VAPA: variants seen among roughly 807,000 people sequenced by gnomAD.
VAPA encodes the protein VAMP associated protein A, also known as vesicle-associated membrane protein-associated protein A.
A neutral mutation model predicts 25.6 loss-of-function variants in VAPA; 6 were observed. The observed-to-expected ratio is 0.23, with a 90% CI of 0.13 to 0.46. The LOEUF (loss-of-function observed/expected upper bound fraction) is 0.46. Among genes scored for constraint, VAPA ranks in the 20% least tolerant of loss-of-function variants. The pLI is 0.99. For synonymous variants in VAPA, 112 were observed against 106.2 expected, an observed-to-expected ratio of 1.05 and a Z score of -0.34; for missense variants, 244 against 302.1, an observed-to-expected ratio of 0.81 and a Z score of 1.43.
chr18:9,914,270 CAG>C lies in VAPA; in HGVS notation c.15_16del (p.Ala7HisfsTer31). 6.3e-7 allele frequency: 1 copy of C among 1,585,702 alleles called. No individual in the cohort carries two copies. The highest frequency in any genetic ancestry group is 8.6e-7 in the Non-Finnish European group (1 of 1,167,586). On this transcript the variant is annotated frameshift_variant, in exon 1 of 6. Coordinates refer to ENST00000400000, the MANE Select transcript of VAPA (RefSeq NM_194434.3). LOFTEE classifies it high-confidence loss of function. ...GCTGTCTCTCCGATGGCGTCCGCCT[CAG>C]GGGCCATGGCGAAGCACGAGCAGAT...
intron 5 of VAPA, among the ~76,000 whole-genome samples, chr18:9,951,662 CTTTG>C (rs903512209): frequency 3.5e-4 from 54 of 152,192 alleles, no homozygotes; most frequent in Non-Finnish European, 1.3e-4. Context: ...GCTCTCTAGG[CTTTG>C]TTTGAAGCTC....
rs1287526369 is a variant in VAPA at position 9,955,237 on chromosome 18, A to G, written c.*1026A>G. On this transcript the variant is annotated 3_prime_UTR_variant, in exon 6 of 6. Transcript: ENST00000400000. The stretch of plus-strand genomic sequence containing the variant: ...TTACTACTTTTCATAATATTTCATA[A>G]TAGTTAAAAGTAGGTGTTTTTTTCG... 2 of 152,206 alleles carry G rather than the reference A, an allele frequency of 1.3e-5. No homozygotes were observed. Among genetic ancestry groups the G allele is most frequent in the Non-Finnish European group, 2.9e-5 (2 of 68,026 alleles). The allele number at this position is 152,206 out of a possible 1,614,324, so 9.4% of individuals were successfully genotyped here.
intron 4 of VAPA, chr18:9,950,147 C>T (rs29114): frequency 0.04 from 14,979 of 377,096 alleles, 384 homozygotes; most frequent in Middle Eastern, 0.081. Flanking sequence ...TGAAGTATTA[C>T]AGGAAAGAAC....
chr18:9,940,007 A>G (rs1186100040), intron 4 of VAPA, among the ~76,000 whole-genome samples: 3 of 152,216 alleles, frequency 2.0e-5, no homozygotes, highest in African/African-American at 7.2e-5. Flanking sequence ...GTGCTTATGT[A>G]ATATTTGGTT....
At chr18:9,918,487 T>C (rs1239955292) in intron 1 of VAPA, among the ~76,000 whole-genome samples, 2 of 152,144 alleles carry the variant, frequency 1.3e-5, no homozygotes, top group Non-Finnish European at 1.5e-5. Context: ...TTACTTGACC[T>C]CCCCCTGGCT....
At position 9,943,521 on chromosome 18, in the gene VAPA, C is replaced by G. The variant is rs151014761; in HGVS notation, c.417+6455C>G. Among the ~76,000 whole-genome samples the G allele has an allele frequency of 7.7e-3, 1,177 of 152,254 alleles. 22 individuals are homozygous for G. Among genetic ancestry groups the G allele is most frequent in the African/African-American group, 0.027 (1,104 of 41,528 alleles). On this transcript the variant is annotated intron_variant, in intron 4 of 5. Coordinates refer to ENST00000400000, the MANE Select transcript of VAPA (RefSeq NM_194434.3). ...TTGTTGTCAGTGCTAGTACTGAAAG[C>G]CATTGAGCCTGTTCCCTGTATTGTT...
At chr18:9,947,126 A>G (rs1210718411) in intron 4 of VAPA, among the ~76,000 whole-genome samples, 3 of 152,196 alleles carry the variant, frequency 2.0e-5, no homozygotes, top group Non-Finnish European at 4.4e-5. Context: ...GTCTTCTGGA[A>G]TACCTCCTGA....
At position 9,937,047 on chromosome 18, in the gene VAPA, C is replaced by A; in HGVS notation, c.398C>A (p.Pro133His). The change falls in exon 4 of 6, where the codon CCC (proline) becomes CAC (histidine). Residue 133 changes from proline to histidine, a missense_variant. Pro to His is a moderately conservative substitution (Grantham distance 77). Transcript: ENST00000400000. Reference sequence around the variant, plus strand: ...AAATTGAGATGCGTATTTGAAATGCCCAATGAAAATGATAAATTGGTAAGT... The same window carrying A: ...AAATTGAGATGCGTATTTGAAATGCACAATGAAAATGATAAATTGGTAAGT... ...DSKLRCVFEM[P>H]NENDKLNDME... The A allele has an allele frequency of 1.2e-6, 2 of 1,613,180 alleles. No homozygotes were observed. Among genetic ancestry groups the A allele is most frequent in the Non-Finnish European group, 1.7e-6 (2 of 1,179,604 alleles).
chr18:9,941,861 G>T (rs2069369235), intron 4 of VAPA, among the ~76,000 whole-genome samples: 1 of 152,136 alleles, frequency 6.6e-6, no homozygotes, highest in Non-Finnish European at 1.5e-5. Flanking sequence ...TTCTAAATGT[G>T]CAAGGTTAAC....
In VAPA at chr18:9,936,183, T is replaced by C. The variant is rs1171643436; in HGVS notation, c.306T>C (p.Ala102=). ...KHKFMVQTIF[A]PPNTSDMEAV... ...AGTTTATGGTACAGACAATTTTTGC[T>C]CCACCAAACACTTCAGATATGGAAG... The change falls in exon 3 of 6, where the codon GCT becomes GCC. Residue 102 remains alanine (A), a synonymous_variant. Coordinates refer to ENST00000400000, the MANE Select transcript of VAPA (RefSeq NM_194434.3). The C allele has an allele frequency of 8.7e-6, 14 of 1,606,024 alleles. No homozygotes were observed. Among genetic ancestry groups the C allele is most frequent in the Non-Finnish European group, 1.2e-5 (14 of 1,176,128 alleles).
intron 5 of VAPA, among the ~76,000 whole-genome samples, chr18:9,952,169 A>G (rs1328140966): frequency 6.6e-6 from 1 of 152,238 alleles, no homozygotes; most frequent in Non-Finnish European, 1.5e-5. Context: ...AGAGTGAACC[A>G]GGGAAGTAGG....
intron 2 of VAPA, among the ~76,000 whole-genome samples, chr18:9,935,208 T>G (rs2069296726): frequency 2.0e-5 from 3 of 152,142 alleles, no homozygotes; most frequent in Admixed American, 2.0e-4. Context: ...TCTTAGAAGA[T>G]TTAAATAAAT....
chr18:9,946,586 C>T (rs1017334153), intron 4 of VAPA, among the ~76,000 whole-genome samples: 22 of 151,572 alleles, frequency 1.5e-4, no homozygotes, highest in Non-Finnish European at 2.4e-4. Flanking sequence ...GATTGGACAC[C>T]CGTGACTATA....
intron 1 of VAPA, among the ~76,000 whole-genome samples, chr18:9,928,355 G>GT (rs1345160779): frequency 6.6e-6 from 1 of 152,054 alleles, no homozygotes; most frequent in Non-Finnish European, 1.5e-5. Context: ...ATTATCAAAA[G>GT]TTAAATACTC....
In VAPA at chr18:9,947,715, T is replaced by A. The variant is rs566317158; in HGVS notation, c.418-2680T>A. On this transcript the variant is annotated intron_variant, in intron 4 of 5. Transcript: ENST00000400000. ...AACCAGTCTTTTCTTTCTGGACCAGTTTGAAGCAACTCTCAAGAAACAAGC... is the reference window on the plus strand; with the variant it reads ...AACCAGTCTTTTCTTTCTGGACCAGATTGAAGCAACTCTCAAGAAACAAGC... The A allele has an allele frequency of 3.3e-5, 5 of 152,292 alleles. 1 individual carries two copies. The highest frequency in any genetic ancestry group is 1.2e-4 in the African/African-American group (5 of 41,564). 9.4% of individuals were successfully genotyped at this position (152,292 alleles called of 1,614,324 possible). A position where few individuals can be genotyped will look rare whatever the true frequency, so the allele number is the denominator to read the frequency against.
chr18:9,941,614 G>T (rs1312223059), intron 4 of VAPA, among the ~76,000 whole-genome samples: 1 of 152,008 alleles, frequency 6.6e-6, no homozygotes, highest in Non-Finnish European at 1.5e-5. Flanking sequence ...TAAAAAAAAA[G>T]TATCTTTGAC....
In VAPA at chr18:9,958,096, A is replaced by G. The variant is rs1292986278; in HGVS notation, c.*3885A>G. The G allele has an allele frequency of 6.6e-6, 1 of 152,260 alleles. No homozygotes were observed. Among genetic ancestry groups the G allele is most frequent in the Non-Finnish European group, 1.5e-5 (1 of 68,046 alleles). The allele number at this position is 152,260 out of a possible 1,614,324, so 9.4% of individuals were successfully genotyped here. A position where few individuals can be genotyped will look rare whatever the true frequency, so the allele number is the denominator to read the frequency against. ...TAAAAAATTCCAAATTCTGCCTTTC[A>G]GCAGCATCAATTGCTAGGAACATTT... On this transcript the variant is annotated 3_prime_UTR_variant, in exon 6 of 6. Transcript: ENST00000400000.
chr18:9,924,429 G>T (rs2069183373), intron 1 of VAPA, among the ~76,000 whole-genome samples: 1 of 152,168 alleles, frequency 6.6e-6, no homozygotes, highest in African/African-American at 2.4e-5. Flanking sequence ...TGGAAGTTTA[G>T]AGTGGAGGGA....
intron 4 of VAPA, among the ~76,000 whole-genome samples, chr18:9,946,347 CG>C (rs923632988): frequency 1.6e-4 from 25 of 152,086 alleles, no homozygotes; most frequent in African/African-American, 6.0e-4. Context: ...ATTTGTGTAT[CG>C]AAACAATCTA....
Sources: gnomAD v4.1 joint callset for allele counts (sites outside exome capture counted in the v4.1 genomes callset) on GRCh38, gnomAD v4.1.1 for gene constraint, MANE v1.5 for transcripts, NCBI Gene and HGNC (gene_info 2026-07-23, HGNC 2026-07-21) for gene names.